Variants in NAV2 observed in about 807,000 individuals in gnomAD.
The protein encoded by NAV2 is helicase, APC down-regulated 1.
Under a neutral mutation model 223.2 loss-of-function variants are expected in NAV2, and 54 were observed. The ratio of observed to expected loss-of-function variants is 0.24; its 90% confidence interval spans 0.19 to 0.30. The LOEUF is 0.30. Among genes scored for constraint, NAV2 ranks in the 10% least tolerant of loss-of-function variants. The probability of loss-of-function intolerance (pLI) is 1.00; values close to 1 mark genes in which losing one functional copy is unlikely to be tolerated. For synonymous variants in NAV2, 1,279 were observed against 1,239.3 expected (o/e 1.03, Z -0.67); for missense variants, 2,806 against 3,147.5 (o/e 0.89, Z 2.60).
chr11:19,413,270 T>G (rs1018073526), intron 1 of NAV2, among the ~76,000 whole-genome samples: 3 of 151,990 alleles, frequency 2.0e-5, no homozygotes, highest in Non-Finnish European at 4.4e-5. Flanking sequence ...GAGAACTTCG[T>G]GAAGCATAAA....
chr11:19,669,796 C>T (rs1234523457), intron 1 of NAV2, among the ~76,000 whole-genome samples: 1 of 152,198 alleles, frequency 6.6e-6, no homozygotes, highest in Non-Finnish European at 1.5e-5. Flanking sequence ...AGGACAAGTG[C>T]CAATGAGTGA....
chr11:19,643,794 G>A lies in NAV2; in HGVS notation c.76-188690G>A, dbSNP rs578242017. ...ACAGTCCCACCAACAGTGTAAAAGT[G>A]TTCCTATTTCTCCACATCCTCTCCA... On this transcript the variant is annotated intron_variant, in intron 1 of 37. Transcript: ENST00000360655. 7.9e-5 allele frequency among the ~76,000 whole-genome samples: 12 copies of A among 152,256 alleles called. No individual in the cohort carries two copies. The East Asian group carries it at 2.1e-3, about 27-fold the overall frequency.
chr11:19,909,447 G>A (rs1368203934), intron 6 of NAV2, among the ~76,000 whole-genome samples: 9 of 152,198 alleles, frequency 5.9e-5, no homozygotes, highest in Non-Finnish European at 1.2e-4. Flanking sequence ...TAATGCCTGA[G>A]ACGTTTATCT....
intron 6 of NAV2, among the ~76,000 whole-genome samples, chr11:19,896,392 C>T (rs755041805): frequency 1.3e-5 from 2 of 152,096 alleles, no homozygotes; most frequent in African/African-American, 2.4e-5. Context: ...TGAGAACTCT[C>T]GATACCTCAT....
intron 1 of NAV2, among the ~76,000 whole-genome samples, chr11:19,755,178 T>C (rs1425826141): frequency 2.0e-5 from 3 of 152,246 alleles, no homozygotes; most frequent in African/African-American, 7.2e-5. Context: ...CTCCCTGTTG[T>C]TACGTGTACA....
chr11:20,009,723 T>C (rs530766650), intron 11 of NAV2, among the ~76,000 whole-genome samples: 1 of 152,144 alleles, frequency 6.6e-6, no homozygotes, highest in Admixed American at 6.5e-5. Context: ...TTCCCCTCCT[T>C]CTCCTCTCTT....
intron 20 of NAV2, among the ~76,000 whole-genome samples, chr11:20,064,343 G>A (rs537321141): frequency 4.6e-5 from 7 of 152,242 alleles, no homozygotes; most frequent in East Asian, 1.9e-4. Flanking sequence ...TGCTACTGAC[G>A]GAGGAAGCTG....
intron 1 of NAV2, among the ~76,000 whole-genome samples, chr11:19,475,680 C>T (rs913455526): frequency 6.6e-6 from 1 of 152,232 alleles, no homozygotes; most frequent in Non-Finnish European, 1.5e-5. Flanking sequence ...CTGCCTACCA[C>T]TGCCAGAGAG....
At chr11:19,543,473 A>T (rs976016333) in intron 1 of NAV2, among the ~76,000 whole-genome samples, 1 of 151,982 alleles carries the variant, frequency 6.6e-6, no homozygotes, top group Non-Finnish European at 1.5e-5. Flanking sequence ...TTTTTCTTTT[A>T]TCGCACCAAA....
intron 1 of NAV2, among the ~76,000 whole-genome samples, chr11:19,784,907 G>A (rs1025993049): frequency 8.5e-5 from 13 of 152,136 alleles, no homozygotes; most frequent in East Asian, 1.9e-4. Flanking sequence ...TCATCAGATC[G>A]AGAGCAAGAA....
intron 1 of NAV2, among the ~76,000 whole-genome samples, chr11:19,404,736 C>A (rs894724746): frequency 6.6e-6 from 1 of 152,208 alleles, no homozygotes; most frequent in African/African-American, 2.4e-5. Context: ...GTGATCACAA[C>A]CCAAGAGCTC....
chr11:19,749,818 A>G (rs1375713274), intron 1 of NAV2, among the ~76,000 whole-genome samples: 1 of 152,222 alleles, frequency 6.6e-6, no homozygotes. Context: ...ACTTTCACGA[A>G]TAAAAGTGCA....
chr11:20,102,772 C>A (rs2061730731), intron 32 of NAV2, among the ~76,000 whole-genome samples: 1 of 152,128 alleles, frequency 6.6e-6, no homozygotes, highest in African/African-American at 2.4e-5. Flanking sequence ...AATGCCCCAC[C>A]CGTTCTCCAA....
chr11:20,016,533 T>C (rs1323744342), intron 11 of NAV2, among the ~76,000 whole-genome samples: 1 of 152,196 alleles, frequency 6.6e-6, no homozygotes, highest in Non-Finnish European at 1.5e-5. Context: ...CTCTATAAGA[T>C]AAAATATTTG....
rs186503649 is a variant in NAV2 at position 19,448,104 on chromosome 11, C to T, written c.75+97077C>T. Among the ~76,000 whole-genome samples, 8 of 152,312 alleles carry T rather than the reference C, an allele frequency of 5.3e-5. No homozygotes were observed. The East Asian group carries it at 1.5e-3, about 29-fold the overall frequency. ...TAAGGGAGGCAGACATGGAAACAGA[C>T]TATAATAATTAGGGAGCTATAAAAG... On this transcript the variant is annotated intron_variant, in intron 1 of 37. Transcript: ENST00000360655.
chr11:19,797,085 C>CCT (rs2057955129), intron 1 of NAV2, among the ~76,000 whole-genome samples: 1 of 152,078 alleles, frequency 6.6e-6, no homozygotes, highest in Non-Finnish European at 1.5e-5. Flanking sequence ...GGTTTGAGAG[C>CCT]CAGAGAGAGA....
intron 22 of NAV2, among the ~76,000 whole-genome samples, chr11:20,069,288 T>C (rs1411254489): frequency 1.3e-5 from 2 of 151,924 alleles, no homozygotes; most frequent in African/African-American, 4.8e-5. Flanking sequence ...TAGGTGGGTG[T>C]AATTAGTGTC....
At chr11:19,957,961 A>G (rs539167431) in intron 10 of NAV2, among the ~76,000 whole-genome samples, 7 of 152,248 alleles carry the variant, frequency 4.6e-5, no homozygotes, top group African/African-American at 1.7e-4. Flanking sequence ...TTGGGCCTCG[A>G]TTTCTTGGGA....
At chr11:20,103,112 G>A (rs1484114674) in intron 32 of NAV2, 143 bp from the exon 33 acceptor site, 2 of 725,008 alleles carry the variant, frequency 2.8e-6, no homozygotes, top group South Asian at 2.1e-5. Context: ...TAATAGGCAG[G>A]CACCCAGAAT....
Sources: gnomAD v4.1 joint callset for allele counts (sites outside exome capture counted in the v4.1 genomes callset) on GRCh38, gnomAD v4.1.1 for gene constraint, MANE v1.5 for transcripts, NCBI Gene and HGNC (gene_info 2026-07-23, HGNC 2026-07-21) for gene names.